CNTN3: variants seen among roughly 807,000 people sequenced by gnomAD.
CNTN3 encodes contactin 3.
A neutral mutation model predicts 119.1 loss-of-function variants in CNTN3; 60 were observed. The ratio of observed to expected loss-of-function variants is 0.50; its 90% CI spans 0.41 to 0.62. CNTN3 has a LOEUF of 0.62. Ranked by LOEUF, CNTN3 falls within the 20% of genes least tolerant of loss-of-function variation. CNTN3 has a pLI of 0.00. For missense variants in CNTN3, 1,101 were observed against 1,242.4 expected (o/e 0.89, Z 1.71); for synonymous variants, 450 against 438.7 (o/e 1.03, Z -0.32).
chr3:74,407,187 T>C (rs1002626812), intron 5 of CNTN3, among the ~76,000 whole-genome samples: 3 of 152,016 alleles, frequency 2.0e-5, no homozygotes, highest in Admixed American at 6.6e-5. Flanking sequence ...GGAACACATA[T>C]ATTGTGTGGG....
chr3:74,264,761 G>A (rs1257298439), intron 22 of CNTN3, among the ~76,000 whole-genome samples: 1 of 152,032 alleles, frequency 6.6e-6, no homozygotes, highest in East Asian at 1.9e-4. Flanking sequence ...AGGTAGTTTT[G>A]TTAGAGAAGC....
chr3:74,354,367 T>C (rs1264752034), intron 11 of CNTN3, among the ~76,000 whole-genome samples: 2 of 152,140 alleles, frequency 1.3e-5, no homozygotes, highest in African/African-American at 4.8e-5. Context: ...TTAGCTACTA[T>C]GTTTCAAGTA....
intron 4 of CNTN3, among the ~76,000 whole-genome samples, chr3:74,473,990 T>C (rs1702610486): frequency 6.6e-6 from 1 of 152,170 alleles, no homozygotes; most frequent in Admixed American, 6.5e-5. Context: ...TATCGATATG[T>C]TCAGCATGAA....
intron 1 of CNTN3, among the ~76,000 whole-genome samples, chr3:74,522,863 T>A (rs1703562975): frequency 6.6e-6 from 1 of 151,576 alleles, no homozygotes; most frequent in African/African-American, 2.4e-5. Context: ...AGAGGATGAG[T>A]AGGGCACACG....
In CNTN3 at chr3:74,407,264, A is replaced by ATTTTTTT. The variant is rs753215277; in HGVS notation, c.454+17574_454+17580dup. 2.7e-4 allele frequency among the ~76,000 whole-genome samples: 29 copies of ATTTTTTT among 105,556 alleles called. 2 individuals carry two copies. The highest frequency in any genetic ancestry group is 3.2e-4 in the Non-Finnish European group (18 of 55,934). The allele number at this position is 105,556 out of a possible 152,430, so 69.2% of individuals were successfully genotyped here. A position where few individuals can be genotyped will look rare whatever the true frequency, so the allele number is the denominator to read the frequency against. ...AAAGTATAGCCAGGCCAAATATTCT[A>ATTTTTTT]TTTTTTTTTTTTTTTTTTTTTGAGA... On this transcript the variant is annotated intron_variant, in intron 5 of 22. Transcript: ENST00000263665.
intron 1 of CNTN3, among the ~76,000 whole-genome samples, chr3:74,611,501 A>G (rs1395169175): frequency 6.6e-6 from 1 of 152,214 alleles, no homozygotes; most frequent in Non-Finnish European, 1.5e-5. Flanking sequence ...GGAGACTATA[A>G]GATAAAAACC....
chr3:74,417,117 C>T (rs1701536227), intron 5 of CNTN3, among the ~76,000 whole-genome samples: 1 of 152,158 alleles, frequency 6.6e-6, no homozygotes, highest in Admixed American at 6.5e-5. Flanking sequence ...TACTCTCTTC[C>T]TTGAAGTTCT....
chr3:74,471,343 T>TA lies in CNTN3; in HGVS notation c.358+15112dup, dbSNP rs202069328. On this transcript the variant is annotated intron_variant, in intron 4 of 22. Transcript: ENST00000263665. ...AGGTAACCCAGAACTTAAAGTATAA[T>TA]AAAAAAAAAGAAAAATACTCCACAT... Among the ~76,000 whole-genome samples, 319 of 151,214 alleles carry TA rather than the reference T, an allele frequency of 2.1e-3. 6 individuals are homozygous for TA. The highest frequency in any genetic ancestry group is 0.018 in the Admixed American group (272 of 15,172).
intron 4 of CNTN3, among the ~76,000 whole-genome samples, chr3:74,442,392 C>A (rs1226770266): frequency 6.6e-6 from 1 of 151,988 alleles, no homozygotes. Context: ...TCATTTTTAT[C>A]GAATAATAGC....
intron 1 of CNTN3, among the ~76,000 whole-genome samples, chr3:74,527,797 C>A (rs1418460060): frequency 6.6e-6 from 1 of 151,924 alleles, no homozygotes; most frequent in Admixed American, 6.6e-5. Context: ...ACTATTTGTA[C>A]TTGACATGCA....
rs528613412 is a variant in CNTN3, at chr3:74,308,617, T to C, written c.1669-5810A>G. Among the ~76,000 whole-genome samples the C allele has an allele frequency of 5.3e-4, 73 of 137,188 alleles. 1 individual carries two copies. The highest frequency in any genetic ancestry group is 4.6e-3 in the Admixed American group (65 of 14,212). The allele number at this position is 137,188 out of a possible 152,430, so 90.0% of individuals were successfully genotyped here. On this transcript the variant is annotated intron_variant, in intron 13 of 22. Transcript: ENST00000263665. The stretch of plus-strand genomic sequence containing the variant: ...CAAGTTCATATTAACAACTTGGGAA[T>C]TTTTTTTTTTTCTGGCCAGTGCGAT...
At chr3:74,421,948 C>A (rs926969866) in intron 5 of CNTN3, among the ~76,000 whole-genome samples, 1 of 152,302 alleles carries the variant, frequency 6.6e-6, no homozygotes, top group East Asian at 1.9e-4. Context: ...CTGGTTGGCA[C>A]CCAGGTCATT....
chr3:74,296,441 G>T (rs1702340031), intron 18 of CNTN3, among the ~76,000 whole-genome samples: 2 of 152,162 alleles, frequency 1.3e-5, no homozygotes, highest in South Asian at 4.2e-4. Flanking sequence ...AATGAGGTCT[G>T]GCTATGAATT....
intron 1 of CNTN3, among the ~76,000 whole-genome samples, chr3:74,602,259 A>G (rs1704922994): frequency 6.9e-6 from 1 of 145,234 alleles, no homozygotes. Context: ...TCGCACCACT[A>G]TACTCCAGCC....
intron 13 of CNTN3, among the ~76,000 whole-genome samples, chr3:74,324,554 C>T (rs900613300): frequency 6.6e-6 from 1 of 152,138 alleles, no homozygotes; most frequent in African/African-American, 2.4e-5. Context: ...AGATGAAGTT[C>T]ACAGCAAAAT....
At chr3:74,410,751 G>A (rs1701424151) in intron 5 of CNTN3, among the ~76,000 whole-genome samples, 1 of 152,118 alleles carries the variant, frequency 6.6e-6, no homozygotes, top group African/African-American at 2.4e-5. Flanking sequence ...ACAGATGATT[G>A]ATGGACTAGT....
At chr3:74,319,129 T>TA (rs1321511424) in intron 13 of CNTN3, among the ~76,000 whole-genome samples, 1 of 152,194 alleles carries the variant, frequency 6.6e-6, no homozygotes, top group African/African-American at 2.4e-5. Context: ...CCCACCAAGC[T>TA]ACCAACGACT....
In CNTN3 at chr3:74,275,648, G is replaced by A. The variant is rs566365777; in HGVS notation, c.2705-8270C>T. Among the ~76,000 whole-genome samples the A allele has an allele frequency of 5.3e-5, 8 of 151,962 alleles. No homozygotes were observed. The East Asian group carries it at 9.7e-4, about 18-fold the overall frequency. On this transcript the variant is annotated intron_variant, in intron 20 of 22. Coordinates refer to ENST00000263665, the MANE Select transcript of CNTN3 (RefSeq NM_020872.3). ...AAATCTTGAAGCAAATCCTGGAAAC[G>A]CATCAAAACAGAACCTCTTTAAAGC...
intron 1 of CNTN3, among the ~76,000 whole-genome samples, chr3:74,547,215 G>A (rs972622876): frequency 6.6e-6 from 1 of 152,238 alleles, no homozygotes; most frequent in African/African-American, 2.4e-5. Context: ...TACAGATATT[G>A]TTTCTACAGC....
Sources: allele counts gnomAD v4.1 joint callset (sites outside exome capture counted in the v4.1 genomes callset), GRCh38; gene constraint gnomAD v4.1.1; transcripts MANE v1.5; gene names NCBI Gene and HGNC (gene_info 2026-07-23, HGNC 2026-07-21).